RNF13: variants seen among roughly 807,000 people sequenced by gnomAD.
The protein encoded by RNF13 is E3 ubiquitin-protein ligase RNF13.
A neutral mutation model predicts 37.7 loss-of-function variants in RNF13; 19 were observed. The observed-to-expected ratio is 0.50, with a 90% CI of 0.35 to 0.74. RNF13 has a LOEUF of 0.74. RNF13 is among the 30% of genes least tolerant of loss of function. The pLI, the probability that RNF13 is intolerant of heterozygous loss-of-function variation, is 0.01. For synonymous variants in RNF13, 144 were observed against 157.8 expected (o/e 0.91, Z 0.65); for missense variants, 375 against 453.0 (o/e 0.83, Z 1.56).
chr3:149,860,270 A>AATATATATATATATATATAT (rs1186058605), intron 3 of RNF13, among the ~76,000 whole-genome samples: 1 of 104,114 alleles, frequency 9.6e-6, no homozygotes, highest in African/African-American at 4.2e-5. Context: ...AAAAAAAAAA[A>AATATATATATATATATATAT]ATATATATAT....
At chr3:149,939,129 T>C in intron 8 of RNF13, 1 of 512,178 alleles carries the variant, frequency 2.0e-6, no homozygotes, top group South Asian at 1.5e-5. Flanking sequence ...TTTAGGAGTT[T>C]TTTCCTGTTT....
At chr3:149,929,474 A>T (rs993524786) in intron 8 of RNF13, among the ~76,000 whole-genome samples, 1 of 152,218 alleles carries the variant, frequency 6.6e-6, no homozygotes, top group Non-Finnish European at 1.5e-5. Context: ...CATATCACAG[A>T]TCATGTCATC....
At chr3:149,956,720 A>G (rs939443953) in intron 8 of RNF13, among the ~76,000 whole-genome samples, 1 of 152,222 alleles carries the variant, frequency 6.6e-6, no homozygotes, top group Admixed American at 6.5e-5. Context: ...CATATAACAG[A>G]CATGAATCTG....
intron 6 of RNF13, among the ~76,000 whole-genome samples, chr3:149,910,227 C>T (rs545386777): frequency 1.3e-5 from 2 of 152,260 alleles, no homozygotes; most frequent in South Asian, 4.1e-4. Context: ...TGGCCTCGTG[C>T]TGGAAGAGAT....
chr3:149,943,989 G>A (rs1720527503), intron 8 of RNF13, among the ~76,000 whole-genome samples: 2 of 151,942 alleles, frequency 1.3e-5, no homozygotes, highest in African/African-American at 4.8e-5. Context: ...ATGCCCTGGT[G>A]TGTGATGTTC....
chr3:149,909,395 C>G (rs1287361096), intron 6 of RNF13, among the ~76,000 whole-genome samples: 1 of 151,652 alleles, frequency 6.6e-6, no homozygotes, highest in African/African-American at 2.4e-5. Flanking sequence ...CCAGCCTTAG[C>G]CCCTGGGGAA....
intron 1 of RNF13, among the ~76,000 whole-genome samples, chr3:149,830,812 C>T (rs1027827990): frequency 6.6e-6 from 1 of 152,214 alleles, no homozygotes; most frequent in Non-Finnish European, 1.5e-5. Context: ...CCCCTCCTAT[C>T]ACACGCCCAG....
intron 1 of RNF13, among the ~76,000 whole-genome samples, chr3:149,820,096 T>C (rs1268307283): frequency 6.6e-6 from 1 of 152,222 alleles, no homozygotes; most frequent in Non-Finnish European, 1.5e-5. Flanking sequence ...TGCGCTTTGA[T>C]GTAAGAGAGC....
chr3:149,875,567 A>G (rs1672093061), intron 4 of RNF13, among the ~76,000 whole-genome samples: 1 of 152,220 alleles, frequency 6.6e-6, no homozygotes, highest in South Asian at 2.1e-4. Flanking sequence ...AATGCAATTA[A>G]CAATTCCTGG....
At chr3:149,945,661 A>T (rs1464453837) in intron 8 of RNF13, among the ~76,000 whole-genome samples, 1 of 151,836 alleles carries the variant, frequency 6.6e-6, no homozygotes, top group Non-Finnish European at 1.5e-5. Context: ...ACTGGGAGGC[A>T]CCCCCCAGTA....
At chr3:149,857,111 T>C (rs1723737713) in intron 3 of RNF13, among the ~76,000 whole-genome samples, 1 of 152,210 alleles carries the variant, frequency 6.6e-6, no homozygotes, top group East Asian at 1.9e-4. Context: ...TAGGTCTAAT[T>C]TATGTTCTAT....
At chr3:149,894,968 A>C (rs937300889) in intron 4 of RNF13, among the ~76,000 whole-genome samples, 10 of 152,156 alleles carry the variant, frequency 6.6e-5, no homozygotes, top group Non-Finnish European at 1.3e-4. Context: ...TTTAGGAAAG[A>C]TCAAATAGCT....
intron 4 of RNF13, among the ~76,000 whole-genome samples, chr3:149,889,693 C>T (rs183725693): frequency 0.034 from 4,666 of 136,636 alleles, 88 homozygotes; most frequent in Non-Finnish European, 0.037. Context: ...CTCGCTCTGT[C>T]GCCCAGGCTG....
chr3:149,848,545 A>G (rs1393151101), intron 2 of RNF13, among the ~76,000 whole-genome samples: 1 of 152,238 alleles, frequency 6.6e-6, no homozygotes, highest in African/African-American at 2.4e-5. Flanking sequence ...CATCCCTGAA[A>G]TCTGAGTTTG....
At chr3:149,927,960 C>T (rs556772496) in intron 8 of RNF13, among the ~76,000 whole-genome samples, 1 of 148,806 alleles carries the variant, frequency 6.7e-6, no homozygotes, top group African/African-American at 2.5e-5. Flanking sequence ...GTCCAATTTA[C>T]CTTTTTTCTT....
chr3:149,860,143 G>A (rs1302836260), intron 3 of RNF13, among the ~76,000 whole-genome samples: 1 of 151,038 alleles, frequency 6.6e-6, no homozygotes, highest in East Asian at 2.0e-4. Flanking sequence ...GTGGGCACCT[G>A]TAGTCCCAGC....
chr3:149,913,094 ATTAGT>A (rs1346129555), intron 7 of RNF13, among the ~76,000 whole-genome samples: 3 of 152,150 alleles, frequency 2.0e-5, no homozygotes, highest in Non-Finnish European at 4.4e-5. Context: ...GAATTCATAG[ATTAGT>A]TTAAAGATTA....
chr3:149,821,419 G>C (rs1479500244), intron 1 of RNF13, among the ~76,000 whole-genome samples: 1 of 152,112 alleles, frequency 6.6e-6, no homozygotes, highest in Admixed American at 6.5e-5. Flanking sequence ...GATTACTAAT[G>C]ATTTTAAGCA....
chr3:149,868,276 G>A (rs1711573618), intron 3 of RNF13, among the ~76,000 whole-genome samples: 1 of 151,594 alleles, frequency 6.6e-6, no homozygotes, highest in South Asian at 2.1e-4. Context: ...GTTTGTCTAT[G>A]TACTTAATTG....
Sources: allele counts gnomAD v4.1 joint callset (sites outside exome capture counted in the v4.1 genomes callset), GRCh38; gene constraint gnomAD v4.1.1; transcripts MANE v1.5; gene names NCBI Gene and HGNC (gene_info 2026-07-23, HGNC 2026-07-21).